The following MALRD1 variants were observed in gnomAD, a reference collection of about 807,000 sequenced individuals.
MALRD1 encodes the protein MAM and LDL receptor class A domain containing 1.
MALRD1 carries 247 observed loss-of-function variants against 242.1 expected under a neutral mutation model. That is an observed-to-expected ratio of 1.02 (90% CI 0.92 to 1.13). MALRD1 has a LOEUF of 1.13. MALRD1 is among the 50% of genes most tolerant of loss of function. The probability of loss-of-function intolerance (pLI) is 0.00; values close to 1 mark genes in which losing one functional copy is unlikely to be tolerated. For synonymous variants in MALRD1, 995 were observed against 866.6 expected (o/e 1.15, Z -2.60); for missense variants, 2,989 against 2,533.1 (o/e 1.18, Z -3.86).
chr10:19,728,778 C>T (rs1218347288), intron 38 of MALRD1, among the ~76,000 whole-genome samples: 1 of 152,194 alleles, frequency 6.6e-6, no homozygotes, highest in Admixed American at 6.5e-5. Context: ...CAAAACTACA[C>T]TTCACTCCCT....
At chr10:19,655,878 C>T (rs1383082770) in intron 36 of MALRD1, among the ~76,000 whole-genome samples, 1 of 151,944 alleles carries the variant, frequency 6.6e-6, no homozygotes, top group African/African-American at 2.4e-5. Context: ...GGTCTGATGC[C>T]ATCTAGCTGA....
intron 28 of MALRD1, among the ~76,000 whole-genome samples, chr10:19,430,111 CTTTTTT>C (rs1156254998): frequency 7.2e-5 from 6 of 83,526 alleles, no homozygotes; most frequent in East Asian, 3.7e-4. Flanking sequence ...CTCCATTTTC[CTTTTTT>C]TTTTTTTTTT....
intron 9 of MALRD1, among the ~76,000 whole-genome samples, chr10:19,135,991 AAAG>A (rs1833320668): frequency 6.6e-6 from 1 of 152,198 alleles, no homozygotes; most frequent in African/African-American, 2.4e-5. Context: ...TTTTCTCATT[AAAG>A]AAATTACTCT....
intron 32 of MALRD1, among the ~76,000 whole-genome samples, chr10:19,540,735 A>C: frequency 6.6e-6 from 1 of 151,052 alleles, no homozygotes; most frequent in South Asian, 2.1e-4. Flanking sequence ...AGAGAAGTGG[A>C]AAAAAAACCT....
At chr10:19,224,347 C>T (rs941625692) in intron 18 of MALRD1, among the ~76,000 whole-genome samples, 1 of 149,174 alleles carries the variant, frequency 6.7e-6, no homozygotes, top group Non-Finnish European at 1.5e-5. Flanking sequence ...AGTGCAGTGG[C>T]ACAATTTCGG....
chr10:19,320,469 A>G (rs1425743594), intron 21 of MALRD1, among the ~76,000 whole-genome samples: 2 of 152,052 alleles, frequency 1.3e-5, no homozygotes, highest in African/African-American at 4.8e-5. Flanking sequence ...CCAGTCTATC[A>G]TTGATGGGAA....
chr10:19,552,232 G>C (rs535842015), intron 32 of MALRD1, among the ~76,000 whole-genome samples: 10 of 151,888 alleles, frequency 6.6e-5, no homozygotes, highest in Admixed American at 6.6e-4. Context: ...AGGATTTTTT[G>C]GTTGGTAGGC....
chr10:19,212,796 T>C (rs1837128717), intron 18 of MALRD1, among the ~76,000 whole-genome samples: 1 of 152,192 alleles, frequency 6.6e-6, no homozygotes, highest in Non-Finnish European at 1.5e-5. Context: ...TAAAAATAGA[T>C]AGTGGCGTCT....
intron 2 of MALRD1, among the ~76,000 whole-genome samples, chr10:19,078,348 G>T (rs1835382079): frequency 1.3e-5 from 2 of 150,018 alleles, no homozygotes; most frequent in African/African-American, 2.4e-5. Flanking sequence ...TGATCAATAT[G>T]GTGTTTGTAT....
intron 18 of MALRD1, among the ~76,000 whole-genome samples, 194 bp from the exon 19 acceptor site, chr10:19,257,490 G>A (rs1355516898): frequency 6.6e-6 from 1 of 152,062 alleles, no homozygotes; most frequent in Non-Finnish European, 1.5e-5. Flanking sequence ...GCTCAATGTA[G>A]TATGGAGGTT....
Position 19,126,697 on chromosome 10 carries a change from GATT to G in MALRD1, c.944-1517_944-1515del, listed in dbSNP as rs540985134. ...TTATATTTATATATTTTACTGTGCA[GATT>G]ATTATTTTTTATTTTTTTTTATTTT... On this transcript the variant is annotated intron_variant, in intron 7 of 39. Coordinates refer to ENST00000454679, the MANE Select transcript of MALRD1 (RefSeq NM_001142308.3). Among the ~76,000 whole-genome samples, 58 of 151,870 alleles carry G rather than the reference GATT, an allele frequency of 3.8e-4. No homozygotes were observed. In the South Asian group the frequency reaches 0.01, roughly 27 times the overall value.
intron 14 of MALRD1, among the ~76,000 whole-genome samples, chr10:19,175,894 A>G (rs1835211415): frequency 6.6e-6 from 1 of 152,164 alleles, no homozygotes; most frequent in African/African-American, 2.4e-5. Context: ...ATTACAGGCC[A>G]GAAATGTTGC....
At chr10:19,341,049 A>G (rs1302306437) in intron 24 of MALRD1, among the ~76,000 whole-genome samples, 1 of 152,160 alleles carries the variant, frequency 6.6e-6, no homozygotes, top group Non-Finnish European at 1.5e-5. Flanking sequence ...CCTTGTCAAC[A>G]TAAGCAAATA....
At chr10:19,271,324 T>C (rs1312710897) in intron 19 of MALRD1, among the ~76,000 whole-genome samples, 1 of 152,198 alleles carries the variant, frequency 6.6e-6, no homozygotes, top group Non-Finnish European at 1.5e-5. Flanking sequence ...AAATACCACA[T>C]GGCATTGGTT....
intron 19 of MALRD1, among the ~76,000 whole-genome samples, chr10:19,266,252 T>G (rs1564514614): frequency 1.3e-5 from 2 of 151,902 alleles, no homozygotes; most frequent in Non-Finnish European, 2.9e-5. Flanking sequence ...TATTGCCATT[T>G]AAAAAATTCC....
intron 2 of MALRD1, among the ~76,000 whole-genome samples, chr10:19,080,535 C>G (rs1009670061): frequency 6.6e-6 from 1 of 151,864 alleles, no homozygotes; most frequent in African/African-American, 2.4e-5. Context: ...CCCTATTTAA[C>G]AAATGGTGCT....
rs146196776 is a variant in MALRD1 at position 19,696,736 on chromosome 10, A to G, written c.6314+4182A>G. On this transcript the variant is annotated intron_variant, in intron 38 of 39. Coordinates refer to ENST00000454679, the MANE Select transcript of MALRD1 (RefSeq NM_001142308.3). ...AGCCTGGCCAACATGAGGAAACCCC[A>G]TCTCTGCCCAAAATTAAAAAAAAAA... Among the ~76,000 whole-genome samples the G allele has an allele frequency of 6.5e-3, 983 of 151,042 alleles. 3 individuals are homozygous for G. Among genetic ancestry groups the G allele is most frequent in the South Asian group, 0.011 (53 of 4,770 alleles).
At position 19,205,104 on chromosome 10, in the gene MALRD1, T is replaced by C. The variant is rs1433503405; in HGVS notation, c.2417T>C (p.Ile806Thr). 6 of 1,550,632 alleles carry C rather than the reference T, an allele frequency of 3.9e-6. No individual in the cohort carries two copies. The South Asian group carries it at 5.9e-5, about 15-fold the overall frequency. The change falls in exon 17 of 40, where the codon ATT becomes ACT. Residue 806 changes from isoleucine (I) to threonine (T), a missense_variant. Transcript: ENST00000454679. ...GGCATTTATGATGGGGTCTCAGCTA[T>C]TGATGACATCCGATTTGAAAATTGT... ...SLGIYDGVSAIDDIRFENCTL... is the reference protein window; with the variant it reads ...SLGIYDGVSATDDIRFENCTL...
chr10:19,197,674 T>C (rs188093640), intron 14 of MALRD1, among the ~76,000 whole-genome samples: 5 of 152,296 alleles, frequency 3.3e-5, no homozygotes, highest in African/African-American at 1.2e-4. Flanking sequence ...TGCCAACTTT[T>C]CTATAAAGTC....
Sources: gnomAD v4.1 joint callset for allele counts (sites outside exome capture counted in the v4.1 genomes callset) on GRCh38, gnomAD v4.1.1 for gene constraint, MANE v1.5 for transcripts, NCBI Gene and HGNC (gene_info 2026-07-23, HGNC 2026-07-21) for gene names.